The following RGL1 variants were observed in gnomAD, a reference collection of about 807,000 sequenced individuals.
RGL1 encodes ral guanine nucleotide dissociation stimulator like 1, also known as ral guanine nucleotide dissociation stimulator-like 1.
In RGL1, 24 loss-of-function variants were observed where a neutral mutation model predicts 95.2. The ratio of observed to expected loss-of-function variants is 0.25; its 90% confidence interval spans 0.18 to 0.35. The LOEUF (loss-of-function observed/expected upper bound fraction) is 0.35, where lower values mean the gene tolerates loss of function less well. Among genes scored for constraint, RGL1 ranks in the 10% least tolerant of loss-of-function variants. The probability of loss-of-function intolerance (pLI) is 1.00; values close to 1 mark genes in which losing one functional copy is unlikely to be tolerated. For synonymous variants in RGL1, 329 were observed against 344.9 expected (o/e 0.95, Z 0.51); for missense variants, 715 against 936.3 (o/e 0.76, Z 3.08).
Position 183,866,040 on chromosome 1 carries a change from A to G in RGL1, c.392A>G (p.Gln131Arg). 6.2e-7 allele frequency: 1 copy of G among 1,614,002 alleles called. No homozygotes were observed. Among genetic ancestry groups the G allele is most frequent in the South Asian group, 1.1e-5 (1 of 91,082 alleles). The change falls in exon 4 of 18, where the codon CAA becomes CGA. Residue 131 changes from glutamine to arginine, a missense_variant. Coordinates refer to ENST00000360851, the MANE Select transcript of RGL1 (RefSeq NM_001297671.3). ...TSPNCEEDGS[Q>R]SSSESKMVIR... ...CCAAACTGTGAAGAAGATGGAAGCCAAAGTTCATCAGAGTCCAAAATGGTG... is the reference window on the plus strand; with the variant it reads ...CCAAACTGTGAAGAAGATGGAAGCCGAAGTTCATCAGAGTCCAAAATGGTG...
At chr1:183,700,430 CT>C (rs34876736) in intron 1 of RGL1, among the ~76,000 whole-genome samples, 69,173 of 145,264 alleles carry the variant, frequency 0.48, 17,248 homozygotes, top group East Asian at 0.84. Context: ...TTTCAATAAT[CT>C]TTTTTTTTTT....
chr1:183,796,287 C>A (rs1269137504), intron 2 of RGL1, among the ~76,000 whole-genome samples: 1 of 151,540 alleles, frequency 6.6e-6, no homozygotes, highest in East Asian at 1.9e-4. Flanking sequence ...GCCCCAGCTT[C>A]CCGAGTAGCT....
intron 10 of RGL1, among the ~76,000 whole-genome samples, chr1:183,899,830 TC>T (rs1356328261): frequency 6.6e-6 from 1 of 152,148 alleles, no homozygotes; most frequent in Non-Finnish European, 1.5e-5. Context: ...ACCAGGAATG[TC>T]CCCATGCTCT....
chr1:183,760,253 G>A (rs1658585539), intron 2 of RGL1, among the ~76,000 whole-genome samples: 1 of 152,176 alleles, frequency 6.6e-6, no homozygotes, highest in African/African-American at 2.4e-5. Context: ...AGAGGGTCTT[G>A]CCTCAATGTT....
At chr1:183,820,454 G>GGGTGT (rs1356487674) in intron 2 of RGL1, among the ~76,000 whole-genome samples, 1 of 152,032 alleles carries the variant, frequency 6.6e-6, no homozygotes, top group Admixed American at 6.6e-5. Context: ...CCTGTATCAG[G>GGGTGT]GGTGTGGGGC....
intron 1 of RGL1, among the ~76,000 whole-genome samples, chr1:183,657,291 A>ATTT (rs1651239575): frequency 6.6e-6 from 1 of 152,060 alleles, no homozygotes; most frequent in African/African-American, 2.4e-5. Flanking sequence ...TTCTTTTTTA[A>ATTT]AAAATTTTAT....
At chr1:183,809,322 G>A (rs1045061577) in intron 2 of RGL1, among the ~76,000 whole-genome samples, 1 of 152,202 alleles carries the variant, frequency 6.6e-6, no homozygotes. Context: ...GTATTATACA[G>A]TCCAAAACAT....
intron 2 of RGL1, among the ~76,000 whole-genome samples, chr1:183,753,565 T>C (rs1386254521): frequency 6.6e-6 from 1 of 152,178 alleles, no homozygotes; most frequent in Non-Finnish European, 1.5e-5. Context: ...TTCCTAGAAA[T>C]GGGCCTAGAT....
upstream of RGL1, among the ~76,000 whole-genome samples, chr1:183,803,471 G>A (rs888676516): frequency 4.6e-5 from 7 of 152,212 alleles, no homozygotes; most frequent in Non-Finnish European, 1.0e-4. Context: ...TTGGCTTGAA[G>A]CTAGTTCTTT....
At chr1:183,749,797 CTG>C (rs1229522718) in intron 2 of RGL1, among the ~76,000 whole-genome samples, 1 of 152,032 alleles carries the variant, frequency 6.6e-6, no homozygotes, top group Admixed American at 6.6e-5. Flanking sequence ...CTGTAAAGGA[CTG>C]TATTTCTCTT....
intron 17 of RGL1, among the ~76,000 whole-genome samples, chr1:183,923,442 G>A (rs1483664607): frequency 6.6e-6 from 1 of 152,090 alleles, no homozygotes; most frequent in African/African-American, 2.4e-5. Flanking sequence ...ACCTTTTGAT[G>A]TAATTATAAT....
chr1:183,859,406 T>C (rs978411479), intron 3 of RGL1, among the ~76,000 whole-genome samples: 34 of 152,338 alleles, frequency 2.2e-4, no homozygotes, highest in African/African-American at 7.9e-4. Flanking sequence ...AGTGTCCTTT[T>C]CTTGAACTCC....
chr1:183,819,856 T>C (rs1662340973), intron 2 of RGL1, among the ~76,000 whole-genome samples: 1 of 151,856 alleles, frequency 6.6e-6, no homozygotes, highest in South Asian at 2.1e-4. Flanking sequence ...GTGATCATAG[T>C]TCACTGCAGC....
At chr1:183,853,499 G>A (rs923186398) in intron 3 of RGL1, among the ~76,000 whole-genome samples, 2 of 152,110 alleles carry the variant, frequency 1.3e-5, no homozygotes, top group African/African-American at 4.8e-5. Context: ...GAGGACATTC[G>A]GGGTTTTTAA....
chr1:183,643,250 G>A (rs1164022256), intron 1 of RGL1, among the ~76,000 whole-genome samples: 13 of 146,756 alleles, frequency 8.9e-5, no homozygotes, highest in African/African-American at 3.4e-4. Context: ...CTATCTCTTT[G>A]AGGTCCTGTT....
upstream of RGL1, among the ~76,000 whole-genome samples, chr1:183,804,669 C>G (rs1270498388): frequency 1.3e-5 from 2 of 152,214 alleles, no homozygotes; most frequent in African/African-American, 4.8e-5. Context: ...GAGGGTATAG[C>G]CCCTGGGCAT....
At chr1:183,874,279 G>C (rs1040041754) in intron 4 of RGL1, among the ~76,000 whole-genome samples, 9 of 152,158 alleles carry the variant, frequency 5.9e-5, no homozygotes, top group African/African-American at 2.2e-4. Flanking sequence ...TTTAACCGAG[G>C]CCTTAACCTC....
At chr1:183,669,932 G>T (rs907524069) in intron 1 of RGL1, among the ~76,000 whole-genome samples, 1 of 152,112 alleles carries the variant, frequency 6.6e-6, no homozygotes, top group Admixed American at 6.5e-5. Context: ...GCAGCATGGG[G>T]GTAACCACCC....
chr1:183,911,582 C>T (rs1164780838), intron 14 of RGL1, among the ~76,000 whole-genome samples: 1 of 152,196 alleles, frequency 6.6e-6, no homozygotes, highest in Non-Finnish European at 1.5e-5. Context: ...ATTTCCCTTC[C>T]TATCTTGCAA....
Sources: gnomAD v4.1 joint callset for allele counts (sites outside exome capture counted in the v4.1 genomes callset) on GRCh38, gnomAD v4.1.1 for gene constraint, MANE v1.5 for transcripts, NCBI Gene and HGNC (gene_info 2026-07-23, HGNC 2026-07-21) for gene names.